Variants in ARHGEF12 observed in about 807,000 individuals in gnomAD.
ARHGEF12 encodes Rho guanine nucleotide exchange factor 12.
In ARHGEF12, 66 loss-of-function variants were observed where a neutral mutation model predicts 211.2. The ratio of observed to expected loss-of-function variants is 0.31; its 90% CI spans 0.26 to 0.38. The LOEUF (loss-of-function observed/expected upper bound fraction) is 0.38. Among genes scored for constraint, ARHGEF12 ranks in the 10% least tolerant of loss-of-function variants. The pLI is 1.00. For synonymous variants in ARHGEF12, 592 were observed against 638.4 expected (o/e 0.93, Z 1.09); for missense variants, 1,429 against 1,869.5 (o/e 0.76, Z 4.34).
At position 120,437,381 on chromosome 11, in the gene ARHGEF12, C is replaced by A; in HGVS notation, c.998C>A (p.Thr333Asn). 6.2e-7 allele frequency: 1 copy of A among 1,610,458 alleles called. No homozygotes were observed. Among genetic ancestry groups the A allele is most frequent in the Non-Finnish European group, 8.5e-7 (1 of 1,177,804 alleles). ...NPEKSETIQDTDTQSLVGSPS... is the reference protein window; with the variant it reads ...NPEKSETIQDNDTQSLVGSPS... ...GAGAAAAGTGAAACAATTCAGGACA[C>A]TGTGAGTATGAAATCCATGCAATGA... Residue 333 changes from threonine to asparagine, a missense_variant and splice_region_variant, in exon 12 of 41, where the codon ACT (threonine) becomes AAT (asparagine). Around this residue, in one of 7 missense-constraint regions of ARHGEF12, gnomAD observed 254 missense variants for 286.4 expected, o/e 0.89. Transcript: ENST00000397843.
chr11:120,439,102 C>G (rs1464000449), intron 12 of ARHGEF12: 29 of 152,256 alleles, frequency 1.9e-4, no homozygotes, highest in Admixed American at 1.9e-3. Flanking sequence ...ATCCTCCCTC[C>G]TTGACCTCCC....
chr11:120,448,023 C>T (rs1946096394), intron 19 of ARHGEF12, 117 bp downstream of exon 19: 1 of 878,896 alleles, frequency 1.1e-6, no homozygotes, highest in African/African-American at 1.7e-5. Flanking sequence ...TTTGTGGTCT[C>T]TCTCTGGTGG....
Position 120,347,204 on chromosome 11 carries a change from C to CTTTCTTTCTT in ARHGEF12, c.32+9930_32+9931insTTCTTTCTTT, listed in dbSNP as rs59764380. ...CCTTCCTTTCTTTCTTTCTTTCTTT[C>CTTTCTTTCTT]TCTTTCTTTTTCTTTCTTTCTTTCT... On this transcript the variant is annotated intron_variant, in intron 1 of 40. Transcript: ENST00000397843. Among the ~76,000 whole-genome samples, 212 of 60,324 alleles carry CTTTCTTTCTT rather than the reference C, an allele frequency of 3.5e-3. 1 individual carries two copies. The highest frequency in any genetic ancestry group is 0.022 in the East Asian group (30 of 1,386). The allele number at this position is 60,324 out of a possible 152,430, so 39.6% of individuals were successfully genotyped here.
intron 4 of ARHGEF12, chr11:120,410,118 T>C (rs1591554947): frequency 6.6e-6 from 1 of 152,178 alleles, no homozygotes; most frequent in African/African-American, 2.4e-5. Flanking sequence ...AAGTTTAACC[T>C]GAGTGGTCAA....
At chr11:120,440,489 A>T (rs4936518) in intron 13 of ARHGEF12, among the ~76,000 whole-genome samples, 32,344 of 151,934 alleles carry the variant, frequency 0.21, 3,724 homozygotes, top group African/African-American at 0.29. Flanking sequence ...TAGTATTTTT[A>T]AAAAAAATTT....
chr11:120,446,038 AAAAC>A (rs1192888957), intron 16 of ARHGEF12, among the ~76,000 whole-genome samples: 1 of 151,656 alleles, frequency 6.6e-6, no homozygotes, highest in Non-Finnish European at 1.5e-5. Context: ...TCTCTACTAA[AAAAC>A]AAAAAAGTAG....
At chr11:120,481,908 C>T (rs1354712798) in intron 39 of ARHGEF12, among the ~76,000 whole-genome samples, 5 of 151,960 alleles carry the variant, frequency 3.3e-5, no homozygotes, top group Non-Finnish European at 5.9e-5. Context: ...TACAGGCACC[C>T]GCCCCCACGC....
chr11:120,377,687 A>G (rs1202747039), intron 1 of ARHGEF12, among the ~76,000 whole-genome samples: 1 of 151,972 alleles, frequency 6.6e-6, no homozygotes, highest in Non-Finnish European at 1.5e-5. Context: ...AAATTGTTTC[A>G]TATAATGGTA....
intron 1 of ARHGEF12, among the ~76,000 whole-genome samples, chr11:120,383,381 A>G: frequency 6.6e-6 from 1 of 152,146 alleles, no homozygotes; most frequent in East Asian, 1.9e-4. Flanking sequence ...GGGTGATTCA[A>G]GCACATTACA....
intron 16 of ARHGEF12, among the ~76,000 whole-genome samples, chr11:120,446,094 A>C (rs1946037686): frequency 6.6e-6 from 1 of 151,406 alleles, no homozygotes; most frequent in Admixed American, 6.6e-5. Context: ...GCTACTCAGG[A>C]GGCTGAGGCA....
intron 1 of ARHGEF12, chr11:120,365,631 C>G (rs1316315753): frequency 2.6e-5 from 4 of 152,196 alleles, no homozygotes; most frequent in African/African-American, 9.6e-5. Flanking sequence ...AAAGATCCTA[C>G]TTCTAATTTG....
At chr11:120,417,758 A>T (rs1945074815) in intron 4 of ARHGEF12, among the ~76,000 whole-genome samples, 1 of 152,142 alleles carries the variant, frequency 6.6e-6, no homozygotes, top group South Asian at 2.1e-4. Flanking sequence ...AGCCTACCAA[A>T]GTGCTGAGAT....
chr11:120,376,491 TAA>T (rs1400704955), intron 1 of ARHGEF12, among the ~76,000 whole-genome samples: 1 of 152,198 alleles, frequency 6.6e-6, no homozygotes, highest in Non-Finnish European at 1.5e-5. Flanking sequence ...AATTTACATA[TAA>T]AATTCACCAT....
At chr11:120,406,059 A>G in intron 1 of ARHGEF12, 59 bp from the exon 2 acceptor site, 2 of 1,296,424 alleles carry the variant, frequency 1.5e-6, no homozygotes, top group South Asian at 1.3e-5. Context: ...GAATAAATTT[A>G]GTAACAAAAT....
chr11:120,465,785 A>T (rs962259219), intron 28 of ARHGEF12, among the ~76,000 whole-genome samples: 5 of 152,222 alleles, frequency 3.3e-5, no homozygotes, highest in African/African-American at 1.2e-4. Flanking sequence ...TTTAAAAGCA[A>T]TACATTATCT....
chr11:120,364,588 C>T (rs1300166808), intron 1 of ARHGEF12, among the ~76,000 whole-genome samples: 1 of 152,068 alleles, frequency 6.6e-6, no homozygotes, highest in Non-Finnish European at 1.5e-5. Flanking sequence ...AGAGGTAGAC[C>T]TAGAAACTGG....
intron 5 of ARHGEF12, among the ~76,000 whole-genome samples, chr11:120,421,103 T>G (rs1814591734): frequency 6.6e-6 from 1 of 152,232 alleles, no homozygotes; most frequent in Non-Finnish European, 1.5e-5. Flanking sequence ...CATGATACTT[T>G]ATTGTCCACA....
rs542267793 is a variant in ARHGEF12 at position 120,336,838 on chromosome 11, A to C, written c.-406A>C. The C allele has an allele frequency of 8.9e-4, 316 of 353,218 alleles. 1 individual carries two copies. Among genetic ancestry groups the C allele is most frequent in the African/African-American group, 5.8e-3 (279 of 47,916 alleles). The allele number at this position is 353,218 out of a possible 1,614,324, so 21.9% of individuals were successfully genotyped here. A position where few individuals can be genotyped will look rare whatever the true frequency, so the allele number is the denominator to read the frequency against. On this transcript the variant is annotated 5_prime_UTR_variant, in exon 1 of 41. Coordinates refer to ENST00000397843, the MANE Select transcript of ARHGEF12 (RefSeq NM_015313.3). ...GGCCCCGGCCCTTGCCGCGGCGGGG[A>C]GTTCGAGGCCCCGAGACTCCGGAGG...
chr11:120,481,694 A>G lies in ARHGEF12; in HGVS notation c.4554+118A>G, dbSNP rs141645306. On this transcript the variant is annotated intron_variant, in intron 39 of 40. Transcript: ENST00000397843. ...CTTGTTCAGGTTCTAGATTTCTTTGACTATTATCCATGAATAGGCCTGGGT... is the reference window on the plus strand; with the variant it reads ...CTTGTTCAGGTTCTAGATTTCTTTGGCTATTATCCATGAATAGGCCTGGGT... 1.7e-3 allele frequency: 1,684 copies of G among 977,700 alleles called. 10 individuals carry two copies. The highest frequency in any genetic ancestry group is 0.012 in the Middle Eastern group (37 of 3,112). The allele number at this position is 977,700 out of a possible 1,614,324, so 60.6% of individuals were successfully genotyped here.
Sources: gnomAD v4.1 joint callset for allele counts (sites outside exome capture counted in the v4.1 genomes callset) on GRCh38, gnomAD v4.1.1 for gene constraint, gnomAD v4.1.1 regional missense constraint, MANE v1.5 for transcripts, NCBI Gene and HGNC (gene_info 2026-07-23, HGNC 2026-07-21) for gene names.